WWOX: variants seen among roughly 807,000 people sequenced by gnomAD.
The protein encoded by WWOX is WW domain containing oxidoreductase.
A neutral mutation model predicts 46.2 loss-of-function variants in WWOX; 69 were observed. The ratio of observed to expected loss-of-function variants is 1.49; its 90% confidence interval spans 1.23 to 1.82. The LOEUF is 1.82. Among genes scored for constraint, WWOX ranks in the 40% most tolerant of loss-of-function variants. The probability of loss-of-function intolerance (pLI) is 0.00; values close to 1 mark genes in which losing one functional copy is unlikely to be tolerated. For synonymous variants in WWOX, 359 were observed against 202.6 expected (o/e 1.77, Z -6.56); for missense variants, 919 against 542.6 (o/e 1.69, Z -6.89).
chr16:78,447,676 C>T (rs139519480), intron 8 of WWOX, among the ~76,000 whole-genome samples: 130 of 152,296 alleles, frequency 8.5e-4, no homozygotes, highest in South Asian at 2.9e-3. Flanking sequence ...AATAAAGAAA[C>T]CATGCAGGAT....
intron 5 of WWOX, chr16:78,168,056 G>A (rs2113160): frequency 0.75 from 113,546 of 152,042 alleles, 42,643 homozygotes; most frequent in East Asian, 0.9. Context: ...ACATATTGGC[G>A]CCTCACGGGA....
intron 6 of WWOX, among the ~76,000 whole-genome samples, chr16:78,405,146 CAA>C (rs371422932): frequency 2.6e-5 from 4 of 152,194 alleles, no homozygotes; most frequent in South Asian, 2.1e-4. Flanking sequence ...ATGACAAAAA[CAA>C]GAGTATTTCC....
chr16:78,838,754 A>C (rs776877829), intron 8 of WWOX, among the ~76,000 whole-genome samples: 1 of 152,092 alleles, frequency 6.6e-6, no homozygotes, highest in Non-Finnish European at 1.5e-5. Flanking sequence ...GAGACAGGAG[A>C]ATTGCTTGAA....
chr16:78,766,109 G>C (rs1336539994), intron 8 of WWOX, among the ~76,000 whole-genome samples: 1 of 152,212 alleles, frequency 6.6e-6, no homozygotes, highest in Non-Finnish European at 1.5e-5. Context: ...CAGAGGTGTG[G>C]TCACACATAC....
At chr16:78,516,458 C>G in intron 8 of WWOX, among the ~76,000 whole-genome samples, 1 of 152,218 alleles carries the variant, frequency 6.6e-6, no homozygotes. Flanking sequence ...TTTTTAATTC[C>G]CATGCTCAGA....
chr16:78,421,825 A>G (rs1178280219), intron 6 of WWOX, among the ~76,000 whole-genome samples: 1 of 152,138 alleles, frequency 6.6e-6, no homozygotes. Flanking sequence ...CATGATATTA[A>G]CTGTGCAATT....
intron 8 of WWOX, among the ~76,000 whole-genome samples, chr16:78,931,133 A>C (rs1454304777): frequency 1.3e-5 from 2 of 152,224 alleles, no homozygotes; most frequent in Admixed American, 1.3e-4. Context: ...AAAAGGTCCT[A>C]TCATTGTCCT....
chr16:78,108,481 G>A lies in WWOX; in HGVS notation c.166G>A (p.Ala56Thr), dbSNP rs745874791. The change falls in exon 2 of 9, where the codon GCA becomes ACA. Residue 56 changes from alanine (A) to threonine (T), a missense_variant. Physicochemically the swap from Ala to Thr is moderately conservative, Grantham distance 58. Transcript: ENST00000566780. ...AAAAACTGGAAAAAGAAAACGAGTG[G>A]CAGGAGGTTTGTATGTTGTTGTCTA... is the stretch of plus-strand genomic sequence containing the variant. ...HPKTGKRKRVAGDLPYGWEQE... is the reference protein window; with the variant it reads ...HPKTGKRKRVTGDLPYGWEQE... The A allele has an allele frequency of 1.9e-6, 3 of 1,613,906 alleles. No individual in the cohort carries two copies. The highest frequency in any genetic ancestry group is 4.5e-5 in the East Asian group (2 of 44,878).
intron 8 of WWOX, among the ~76,000 whole-genome samples, chr16:78,823,082 T>G (rs367615655): frequency 6.6e-6 from 1 of 152,250 alleles, no homozygotes; most frequent in East Asian, 1.9e-4. Flanking sequence ...GAATACACTT[T>G]CAGTAGCTCT....
intron 8 of WWOX, among the ~76,000 whole-genome samples, chr16:79,173,090 GA>G (rs2050733065): frequency 6.6e-6 from 1 of 152,300 alleles, no homozygotes; most frequent in African/African-American, 2.4e-5. Flanking sequence ...ATTCTCTGCA[GA>G]AGAATCTTTC....
chr16:78,954,790 G>A (rs1296049589), intron 8 of WWOX, among the ~76,000 whole-genome samples: 2 of 152,020 alleles, frequency 1.3e-5, no homozygotes, highest in African/African-American at 4.8e-5. Flanking sequence ...TTATTTATTT[G>A]TTATTATTAT....
chr16:79,018,522 T>A (rs1419164267), intron 8 of WWOX, among the ~76,000 whole-genome samples: 1 of 152,194 alleles, frequency 6.6e-6, no homozygotes, highest in African/African-American at 2.4e-5. Flanking sequence ...TTGACAATGG[T>A]CTGATTAATT....
At chr16:78,192,932 C>T (rs1375754577) in intron 5 of WWOX, among the ~76,000 whole-genome samples, 2 of 152,150 alleles carry the variant, frequency 1.3e-5, no homozygotes, top group Admixed American at 6.5e-5. Flanking sequence ...ACAAACAATC[C>T]CAGACTCTCA....
chr16:79,006,297 G>C (rs945466479), intron 8 of WWOX, among the ~76,000 whole-genome samples: 2 of 152,140 alleles, frequency 1.3e-5, no homozygotes, highest in African/African-American at 4.8e-5. Flanking sequence ...GTGAAGCGCG[G>C]GAAGTCCAGG....
intron 8 of WWOX, among the ~76,000 whole-genome samples, chr16:79,137,497 C>G (rs942267406): frequency 6.6e-6 from 1 of 152,184 alleles, no homozygotes; most frequent in African/African-American, 2.4e-5. Context: ...AGTTTCCTTT[C>G]TCTCACTTGG....
chr16:78,664,071 CATG>C (rs1193570464), intron 8 of WWOX, among the ~76,000 whole-genome samples: 40 of 152,086 alleles, frequency 2.6e-4, no homozygotes, highest in Admixed American at 1.8e-3. Flanking sequence ...CCATGGTTGC[CATG>C]AGGAGGACAA....
At chr16:78,541,838 G>T (rs1380677484) in intron 8 of WWOX, among the ~76,000 whole-genome samples, 1 of 151,848 alleles carries the variant, frequency 6.6e-6, no homozygotes, top group Non-Finnish European at 1.5e-5. Context: ...TACTGTTTCT[G>T]GTTTTCTGAT....
At chr16:78,716,036 T>G (rs954564121) in intron 8 of WWOX, among the ~76,000 whole-genome samples, 5 of 151,604 alleles carry the variant, frequency 3.3e-5, no homozygotes, top group Non-Finnish European at 7.4e-5. Flanking sequence ...CTGATAATCA[T>G]TATCATCAAG....
chr16:78,394,008 A>T (rs910508258), intron 6 of WWOX, among the ~76,000 whole-genome samples: 5 of 152,216 alleles, frequency 3.3e-5, no homozygotes. Context: ...TCTTGGATTC[A>T]TATTCCAAAT....
Sources: allele counts gnomAD v4.1 joint callset (sites outside exome capture counted in the v4.1 genomes callset), GRCh38; gene constraint gnomAD v4.1.1; transcripts MANE v1.5; gene names NCBI Gene and HGNC (gene_info 2026-07-23, HGNC 2026-07-21).